Variants in SOX5 observed in about 807,000 individuals in gnomAD.
SOX5 encodes transcription factor SOX-5.
A neutral mutation model predicts 92.0 loss-of-function variants in SOX5; 9 were observed. That is an observed-to-expected ratio of 0.10 (90% confidence interval 0.06 to 0.17). The LOEUF is 0.17. SOX5 is among the 10% of genes least tolerant of loss of function. SOX5 has a pLI of 1.00. For synonymous variants in SOX5, 344 were observed against 336.3 expected (o/e 1.02, Z -0.25); for missense variants, 642 against 944.5 (o/e 0.68, Z 4.20).
chr12:23,692,879 C>A, intron 6 of SOX5, among the ~76,000 whole-genome samples: 1 of 152,150 alleles, frequency 6.6e-6, no homozygotes, highest in Non-Finnish European at 1.5e-5. Flanking sequence ...ACAGTAATAT[C>A]TTCCTGGGAA....
chr12:24,428,189 A>G (rs1966883268), intron 1 of SOX5, among the ~76,000 whole-genome samples: 1 of 151,314 alleles, frequency 6.6e-6, no homozygotes, highest in Non-Finnish European at 1.5e-5. Flanking sequence ...CGTTAAAAGA[A>G]GAGGTAAAAC....
At chr12:24,450,525 A>C (rs1432145816) in intron 1 of SOX5, among the ~76,000 whole-genome samples, 1 of 150,364 alleles carries the variant, frequency 6.7e-6, no homozygotes, top group Non-Finnish European at 1.5e-5. Flanking sequence ...GACAGAGTCT[A>C]GCTCTGTCAC....
chr12:23,680,671 C>T (rs1295503423), intron 6 of SOX5, among the ~76,000 whole-genome samples: 1 of 151,662 alleles, frequency 6.6e-6, no homozygotes, highest in East Asian at 1.9e-4. Context: ...TTTACACAAG[C>T]AGGACAAATG....
At chr12:23,814,301 T>C (rs2095940943) in intron 3 of SOX5, among the ~76,000 whole-genome samples, 1 of 152,160 alleles carries the variant, frequency 6.6e-6, no homozygotes. Context: ...ACTAACCTGA[T>C]TCAGTGATAG....
intron 9 of SOX5, among the ~76,000 whole-genome samples, chr12:23,600,809 T>C (rs2074394390): frequency 2.0e-5 from 3 of 151,878 alleles, no homozygotes; most frequent in Admixed American, 2.0e-4. Context: ...AAAGGTTTCT[T>C]TATCATTTAA....
intron 1 of SOX5, among the ~76,000 whole-genome samples, chr12:23,905,038 G>T (rs1201199666): frequency 6.6e-6 from 1 of 152,122 alleles, no homozygotes. Flanking sequence ...AATAAGGAAA[G>T]GCTCAGAAAT....
At chr12:23,736,186 G>T (rs984516484) in intron 5 of SOX5, among the ~76,000 whole-genome samples, 3 of 151,954 alleles carry the variant, frequency 2.0e-5, no homozygotes, top group Non-Finnish European at 4.4e-5. Flanking sequence ...TCTTGGCCGG[G>T]TGTGGTGGCT....
At chr12:24,284,520 G>A (rs1945610251) in intron 2 of SOX5, among the ~76,000 whole-genome samples, 1 of 151,948 alleles carries the variant, frequency 6.6e-6, no homozygotes, top group Non-Finnish European at 1.5e-5. Flanking sequence ...AAAAAATAGA[G>A]ATACTAGTAA....
chr12:24,357,774 G>T lies in SOX5; in HGVS notation c.-174+10789C>A, dbSNP rs533618414. On this transcript the variant is annotated intron_variant, in intron 2 of 4. Transcript: ENST00000446891. Reference sequence around the variant, plus strand: ...GAGAATTGCTTGAACCTGGGAGGCGGAGGTTGCAGTGAGGGTAGATTGTGC... The same window carrying T: ...GAGAATTGCTTGAACCTGGGAGGCGTAGGTTGCAGTGAGGGTAGATTGTGC... Among the ~76,000 whole-genome samples, 5 of 151,474 alleles carry T rather than the reference G, an allele frequency of 3.3e-5. No homozygotes were observed. The East Asian group carries it at 9.7e-4, about 30-fold the overall frequency.
intron 1 of SOX5, among the ~76,000 whole-genome samples, chr12:24,486,271 G>A (rs987223593): frequency 5.9e-5 from 9 of 152,136 alleles, no homozygotes; most frequent in Admixed American, 4.6e-4. Context: ...GAAACTCAAG[G>A]ATCTCAAAAC....
At chr12:23,758,539 T>C (rs989286445) in intron 3 of SOX5, among the ~76,000 whole-genome samples, 2 of 152,016 alleles carry the variant, frequency 1.3e-5, no homozygotes, top group African/African-American at 4.8e-5. Flanking sequence ...CTGAATTAGA[T>C]ATTGGTACAT....
At chr12:24,498,214 TAA>T (rs545118262) in intron 1 of SOX5, among the ~76,000 whole-genome samples, 3 of 142,994 alleles carry the variant, frequency 2.1e-5, no homozygotes, top group Non-Finnish European at 4.6e-5. Flanking sequence ...ACTTAAAATG[TAA>T]AAAAAAAAAA....
intron 4 of SOX5, among the ~76,000 whole-genome samples, chr12:24,044,717 T>C (rs1956835430): frequency 6.6e-6 from 1 of 152,214 alleles, no homozygotes; most frequent in Admixed American, 6.5e-5. Context: ...GCATATTCCA[T>C]ATCGAACTGA....
chr12:24,298,214 G>A (rs990475407), intron 2 of SOX5, among the ~76,000 whole-genome samples: 3 of 151,978 alleles, frequency 2.0e-5, no homozygotes, highest in Admixed American at 1.3e-4. Flanking sequence ...CCACAAGCAC[G>A]CACCACCACC....
chr12:24,392,445 A>AAGCT (rs1273803331), intron 1 of SOX5, among the ~76,000 whole-genome samples: 3 of 152,080 alleles, frequency 2.0e-5, no homozygotes, highest in African/African-American at 4.8e-5. Context: ...GGAAGTTAAG[A>AAGCT]AGCTCAGTGT....
At chr12:23,547,071 G>GA (rs531084473) in intron 11 of SOX5, among the ~76,000 whole-genome samples, 405 of 152,236 alleles carry the variant, frequency 2.7e-3, no homozygotes, top group Non-Finnish European at 4.5e-3. Context: ...ACCAAAATTA[G>GA]ATCTACAGAG....
intron 4 of SOX5, among the ~76,000 whole-genome samples, chr12:24,145,769 T>C (rs577321959): frequency 3.9e-4 from 59 of 152,324 alleles, no homozygotes; most frequent in Middle Eastern, 3.4e-3. Flanking sequence ...AGCCTCACAA[T>C]GTGTGGAACT....
intron 6 of SOX5, among the ~76,000 whole-genome samples, chr12:23,669,547 G>A (rs547358169): frequency 6.6e-6 from 1 of 151,714 alleles, no homozygotes; most frequent in African/African-American, 2.4e-5. Context: ...GGTGGATATG[G>A]AAAAAGACTG....
chr12:24,317,519 C>T (rs916679802), intron 2 of SOX5, among the ~76,000 whole-genome samples: 42 of 152,150 alleles, frequency 2.8e-4, no homozygotes, highest in Non-Finnish European at 1.6e-4. Context: ...AATAGTCTGG[C>T]CCCTAAGTGT....
Sources: gnomAD v4.1 joint callset for allele counts (sites outside exome capture counted in the v4.1 genomes callset) on GRCh38, gnomAD v4.1.1 for gene constraint, MANE v1.5 for transcripts, NCBI Gene and HGNC (gene_info 2026-07-23, HGNC 2026-07-21) for gene names.